MALL: variants seen among roughly 807,000 people sequenced by gnomAD.
MALL encodes the protein MAL-like protein.
MALL carries 2 observed loss-of-function variants against 10.3 expected under a neutral mutation model. The ratio of observed to expected loss-of-function variants is 0.19; its 90% CI spans 0.08 to 0.61. MALL has a LOEUF of 0.61. Among genes scored for constraint, MALL ranks in the 20% least tolerant of loss-of-function variants. The pLI, the probability that MALL is intolerant of heterozygous loss-of-function variation, is 0.88. For synonymous variants in MALL, 27 were observed against 51.8 expected (o/e 0.52, Z 2.05); for missense variants, 39 against 115.2 (o/e 0.34, Z 3.03).
intron 1 of MALL, among the ~76,000 whole-genome samples, chr2:110,095,418 G>C (rs371715144): frequency 4.6e-5 from 7 of 152,028 alleles, no homozygotes; most frequent in African/African-American, 1.7e-4. Flanking sequence ...AACACACACA[G>C]TCATATACAA....
rs1678800898 is a variant in MALL, at chr2:110,111,544, A to G, written c.105+4144T>C. Among the ~76,000 whole-genome samples the G allele has an allele frequency of 1.3e-5, 2 of 152,134 alleles. 1 individual carries two copies. The highest frequency in any genetic ancestry group is 2.9e-5 in the Non-Finnish European group (2 of 68,010). On this transcript the variant is annotated intron_variant, in intron 1 of 3. Coordinates refer to ENST00000272462, the MANE Select transcript of MALL (RefSeq NM_005434.5). ...ATAACAAAGGAGTTGAAAGACCTCT[A>G]CAAGGAAAACTATAAAACACTGCTG...
intron 1 of MALL, among the ~76,000 whole-genome samples, chr2:110,099,265 C>T (rs1678511501): frequency 6.6e-6 from 1 of 152,110 alleles, no homozygotes; most frequent in African/African-American, 2.4e-5. Context: ...CCTTGCTTGA[C>T]CTCAGCTGGG....
chr2:110,098,668 A>G (rs1385099665), intron 1 of MALL, among the ~76,000 whole-genome samples: 2 of 152,168 alleles, frequency 1.3e-5, no homozygotes, highest in Non-Finnish European at 2.9e-5. Context: ...TAATGCTGCT[A>G]TGACCACGAG....
Position 110,115,800 on chromosome 2 carries a change from G to T in MALL, c.-8C>A, listed in dbSNP as rs1393205970. The T allele has an allele frequency of 1.6e-6, 2 of 1,244,172 alleles. No individual in the cohort carries two copies. The highest frequency in any genetic ancestry group is 2.0e-6 in the Non-Finnish European group (2 of 982,612). 77.1% of individuals were successfully genotyped at this position (1,244,172 alleles called of 1,614,324 possible). On this transcript the variant is annotated 5_prime_UTR_variant, in exon 1 of 4. The change creates a new upstream start codon in the 5' untranslated region. Coordinates refer to ENST00000272462, the MANE Select transcript of MALL (RefSeq NM_005434.5). ...CGGGTCGGGCGAGGCCATGCTGTCA[G>T]CCCCTGCCGGGTGCTCCGCGGCAGC...
At chr2:110,108,981 A>G (rs1220764169) in intron 1 of MALL, among the ~76,000 whole-genome samples, 1 of 152,194 alleles carries the variant, frequency 6.6e-6, no homozygotes, top group East Asian at 1.9e-4. Flanking sequence ...GTTTTCAGAC[A>G]AACAAATGCT....
intron 1 of MALL, among the ~76,000 whole-genome samples, chr2:110,094,965 C>T (rs1454764059): frequency 8.3e-6 from 1 of 120,670 alleles, no homozygotes; most frequent in East Asian, 2.4e-4. Context: ...TCTGCTCAAA[C>T]GTCATGGGAA....
intron 1 of MALL, among the ~76,000 whole-genome samples, chr2:110,095,290 G>A (rs1438774882): frequency 2.0e-5 from 3 of 152,156 alleles, no homozygotes; most frequent in Admixed American, 2.0e-4. Flanking sequence ...CTCAGAGCGG[G>A]AGATATTTTT....
intron 1 of MALL, among the ~76,000 whole-genome samples, chr2:110,103,361 A>C (rs549813381): frequency 1.3e-4 from 20 of 152,094 alleles, no homozygotes; most frequent in African/African-American, 4.6e-4. Flanking sequence ...AGGGGGCCCG[A>C]GGCTAGGGGC....
chr2:110,110,776 T>A (rs1422841929), intron 1 of MALL, among the ~76,000 whole-genome samples: 1 of 152,036 alleles, frequency 6.6e-6, no homozygotes, highest in African/African-American at 2.4e-5. Flanking sequence ...AAAAGAAAAC[T>A]ACAGACTGAT....
intron 1 of MALL, among the ~76,000 whole-genome samples, chr2:110,102,095 C>T (rs2028293): frequency 0.06 from 9,153 of 152,174 alleles, 562 homozygotes; most frequent in African/African-American, 0.15. Context: ...CCTGATGATC[C>T]CTGGACTCAG....
chr2:110,105,213 C>T (rs796464211), intron 1 of MALL, among the ~76,000 whole-genome samples: 1 of 152,248 alleles, frequency 6.6e-6, no homozygotes, highest in Non-Finnish European at 1.5e-5. Flanking sequence ...TTTTACTGAA[C>T]CTGAATACAC....
intron 1 of MALL, among the ~76,000 whole-genome samples, chr2:110,110,001 T>A (rs1471235758): frequency 6.6e-6 from 1 of 151,976 alleles, no homozygotes; most frequent in African/African-American, 2.4e-5. Flanking sequence ...AGAAGGAAAT[T>A]TAAAAATTCT....
At chr2:110,115,962 C>A (rs1198066363), upstream of MALL, 4 of 394,734 alleles carry the variant, frequency 1.0e-5, no homozygotes, top group African/African-American at 6.2e-5. Context: ...CCTCAGTGGG[C>A]GGCCCAGCGG....
At chr2:110,113,982 C>T (rs1239333295) in intron 1 of MALL, among the ~76,000 whole-genome samples, 1 of 151,954 alleles carries the variant, frequency 6.6e-6, no homozygotes, top group Non-Finnish European at 1.5e-5. Context: ...GCCCCTCACC[C>T]CCCACAACAC....
chr2:110,111,271 G>A (rs900010945), intron 1 of MALL, among the ~76,000 whole-genome samples: 1 of 152,148 alleles, frequency 6.6e-6, no homozygotes, highest in South Asian at 2.1e-4. Context: ...TAAAGAGGAA[G>A]TCAAACTGTC....
chr2:110,114,645 C>G (rs1419225161), intron 1 of MALL, among the ~76,000 whole-genome samples: 1 of 151,430 alleles, frequency 6.6e-6, no homozygotes, highest in Non-Finnish European at 1.5e-5. Flanking sequence ...TGGTCGCCAT[C>G]AATGGCTAAC....
chr2:110,112,242 T>C (rs1213044179), intron 1 of MALL, among the ~76,000 whole-genome samples: 1 of 152,108 alleles, frequency 6.6e-6, no homozygotes, highest in Non-Finnish European at 1.5e-5. Flanking sequence ...TGGGACCTAA[T>C]TAAACTACAG....
intron 1 of MALL, among the ~76,000 whole-genome samples, chr2:110,101,065 G>A (rs772717723): frequency 1.3e-5 from 2 of 151,302 alleles, no homozygotes; most frequent in Non-Finnish European, 3.0e-5. Flanking sequence ...GGGTGGCTCA[G>A]AGACCCAGGG....
At chr2:110,116,080 G>A (rs951072067), upstream of MALL, 29 of 324,844 alleles carry the variant, frequency 8.9e-5, no homozygotes, top group Non-Finnish European at 6.1e-5. Flanking sequence ...TTGACCCCCG[G>A]AGCATGTTAT....
Sources: allele counts gnomAD v4.1 joint callset (sites outside exome capture counted in the v4.1 genomes callset), GRCh38; gene constraint gnomAD v4.1.1; transcripts MANE v1.5; gene names NCBI Gene and HGNC (gene_info 2026-07-23, HGNC 2026-07-21).